Variants in NFAM1 observed in about 807,000 individuals in gnomAD.
The protein encoded by NFAM1 is NFAT activation molecule 1.
In NFAM1, 17 loss-of-function variants were observed where a neutral mutation model predicts 29.0. The ratio of observed to expected loss-of-function variants is 0.59; its 90% CI spans 0.40 to 0.88. NFAM1 has a LOEUF of 0.88. NFAM1 is among the 40% of genes least tolerant of loss of function. The probability of loss-of-function intolerance (pLI) is 0.00; values close to 1 mark genes in which losing one functional copy is unlikely to be tolerated. For synonymous variants in NFAM1, 175 were observed against 147.2 expected, an observed-to-expected ratio of 1.19 and a Z score of -1.36; for missense variants, 324 against 344.6, an observed-to-expected ratio of 0.94 and a Z score of 0.47.
At chr22:42,398,825 T>C (rs895818845) in intron 3 of NFAM1, among the ~76,000 whole-genome samples, 1 of 152,270 alleles carries the variant, frequency 6.6e-6, no homozygotes, top group African/African-American at 2.4e-5. Context: ...TAGAAGGCCC[T>C]TGCTCAACCA....
chr22:42,393,965 G>A (rs1601737271), intron 4 of NFAM1, among the ~76,000 whole-genome samples: 2 of 152,094 alleles, frequency 1.3e-5, no homozygotes, highest in African/African-American at 4.8e-5. Flanking sequence ...GGTTGAATGA[G>A]TATTCCATAT....
At chr22:42,408,711 G>A (rs775145663) in intron 3 of NFAM1, among the ~76,000 whole-genome samples, 16 of 152,342 alleles carry the variant, frequency 1.1e-4, no homozygotes, top group South Asian at 6.2e-4. Flanking sequence ...CATCGAACAG[G>A]AATCCATAGG....
At chr22:42,403,668 C>A (rs1447663614) in intron 3 of NFAM1, among the ~76,000 whole-genome samples, 1 of 152,232 alleles carries the variant, frequency 6.6e-6, no homozygotes, top group Non-Finnish European at 1.5e-5. Flanking sequence ...AAATGGTAAG[C>A]CCTTCAGCAA....
chr22:42,437,811 G>C, the NFAM1 span, among the ~76,000 whole-genome samples: 4 of 152,228 alleles, frequency 2.6e-5, no homozygotes, highest in East Asian at 1.9e-4. Context: ...GGGGTTCCGG[G>C]GGGGTCCGGT....
intron 4 of NFAM1, among the ~76,000 whole-genome samples, chr22:42,389,020 C>T (rs1929242379): frequency 6.6e-6 from 1 of 152,162 alleles, no homozygotes; most frequent in South Asian, 2.1e-4. Context: ...TGCCCCCAAC[C>T]CTCCACCCAC....
chr22:42,432,161 CT>C (rs1930824248), intron 1 of NFAM1, 75 bp downstream of exon 1: 1 of 1,322,984 alleles, frequency 7.6e-7, no homozygotes, highest in African/African-American at 1.5e-5. Context: ...TGGGAATTAG[CT>C]GCGCCGGGCG....
At chr22:42,420,351 A>G (rs1930406787) in intron 1 of NFAM1, among the ~76,000 whole-genome samples, 1 of 152,150 alleles carries the variant, frequency 6.6e-6, no homozygotes. Context: ...GCATGCCTGT[A>G]GTCCTAGCTA....
chr22:42,382,714 T>G lies in NFAM1; in HGVS notation c.*2447A>C, dbSNP rs1928997329. The G allele has an allele frequency of 1.3e-5, 2 of 152,636 alleles. No individual in the cohort carries two copies. The highest frequency in any genetic ancestry group is 6.5e-5 in the Admixed American group (1 of 15,278). 9.5% of individuals were successfully genotyped at this position (152,636 alleles called of 1,614,324 possible). Reference sequence around the variant, plus strand: ...AGAACAGGTGCTCAGTCCTCTTTGCTGCCCACAGAAGTCTCAGAACATTCT... The same window carrying G: ...AGAACAGGTGCTCAGTCCTCTTTGCGGCCCACAGAAGTCTCAGAACATTCT... On this transcript the variant is annotated 3_prime_UTR_variant, in exon 6 of 6. Transcript: ENST00000329021.
rs138369373 is a variant in NFAM1, at chr22:42,411,019, C to CTTT, written c.451+385_451+387dup. Reference sequence around the variant, plus strand: ...AACCATTCTCTATTTCTTTTCTTTTCTTTTTTTTTTTTTTTTTTTTTTGAG... The same window carrying CTTT: ...AACCATTCTCTATTTCTTTTCTTTTCTTTTTTTTTTTTTTTTTTTTTTTTTGAG... On this transcript the variant is annotated intron_variant, in intron 2 of 5. Transcript: ENST00000329021. Among the ~76,000 whole-genome samples, 176 of 121,722 alleles carry CTTT rather than the reference C, an allele frequency of 1.4e-3. 1 individual carries two copies. Among genetic ancestry groups the CTTT allele is most frequent in the African/African-American group, 5.3e-3 (159 of 30,080 alleles). 79.9% of individuals were successfully genotyped at this position (121,722 alleles called of 152,430 possible). A position where few individuals can be genotyped will look rare whatever the true frequency, so the allele number is the denominator to read the frequency against.
chr22:42,416,728 CTGAG>C (rs1232801330), intron 1 of NFAM1, among the ~76,000 whole-genome samples: 2 of 152,212 alleles, frequency 1.3e-5, no homozygotes, highest in African/African-American at 2.4e-5. Context: ...GCAGTATTCC[CTGAG>C]TGAGGGCACT....
At chr22:42,394,867 C>T (rs4822125) in intron 4 of NFAM1, among the ~76,000 whole-genome samples, 32,300 of 152,018 alleles carry the variant, frequency 0.21, 4,075 homozygotes, top group East Asian at 0.32. Flanking sequence ...CCTGTAATCC[C>T]AGCACTTTGA....
rs1192420329 is a variant in NFAM1, at chr22:42,397,929, G to A, written c.592C>T (p.Pro198Ser). 1.2e-6 allele frequency: 2 copies of A among 1,609,394 alleles called. No homozygotes were observed. ...CTTGGATCTGGGCACTTCCTGGTGGGGTCCTTCCCTGGACCCCGCATCCGC... is the reference window on the plus strand; with the variant it reads ...CTTGGATCTGGGCACTTCCTGGTGGAGTCCTTCCCTGGACCCCGCATCCGC... ...KKRMRGPGKD[P>S]TRKCPDPRSA... Residue 198 changes from proline to serine, a missense_variant, in exon 4 of 6, where the codon CCC (proline) becomes TCC (serine). Physicochemically the swap from Pro to Ser is moderately conservative, Grantham distance 74. Coordinates refer to ENST00000329021, the MANE Select transcript of NFAM1 (RefSeq NM_145912.8).
At chr22:42,421,612 C>T (rs938808927) in intron 1 of NFAM1, among the ~76,000 whole-genome samples, 3 of 152,128 alleles carry the variant, frequency 2.0e-5, no homozygotes, top group African/African-American at 4.8e-5. Flanking sequence ...GCTTTGGTCC[C>T]GGCTCCCCAC....
rs891515147 is a variant in NFAM1, at chr22:42,426,726, G to C, written c.121+5511C>G. Among the ~76,000 whole-genome samples, 70 of 152,286 alleles carry C rather than the reference G, an allele frequency of 4.6e-4. 1 individual carries two copies. Among genetic ancestry groups the C allele is most frequent in the African/African-American group, 1.7e-3 (69 of 41,556 alleles). On this transcript the variant is annotated intron_variant, in intron 1 of 5. Coordinates refer to ENST00000329021, the MANE Select transcript of NFAM1 (RefSeq NM_145912.8). ...TGGCCTGCAAGGACCTGAGTCTCAG[G>C]GTGCAGAGGAATAGGTGGGGCCAGT...
chr22:42,432,624 G>A (rs531170048), upstream of NFAM1, among the ~76,000 whole-genome samples: 2 of 152,270 alleles, frequency 1.3e-5, no homozygotes, highest in South Asian at 2.1e-4. Flanking sequence ...ACCCTGTCTC[G>A]GCCCCTTTCC....
At chr22:42,413,629 G>GA (rs1399097263) in intron 1 of NFAM1, among the ~76,000 whole-genome samples, 3 of 150,710 alleles carry the variant, frequency 2.0e-5, no homozygotes, top group East Asian at 3.9e-4. Flanking sequence ...TACAAAAAAA[G>GA]AAAAAAAAAT....
chr22:42,434,300 G>A (rs1229453301), upstream of NFAM1, among the ~76,000 whole-genome samples: 1 of 152,164 alleles, frequency 6.6e-6, no homozygotes, highest in Non-Finnish European at 1.5e-5. Context: ...CTCCAGGCTT[G>A]ATATGAAGGC....
intron 2 of NFAM1, chr22:42,410,390 T>C: frequency 2.7e-6 from 1 of 367,166 alleles, no homozygotes; most frequent in Non-Finnish European, 5.5e-6. Context: ...CTGGGTGTGC[T>C]GGCTCATGCC....
At chr22:42,390,107 A>C (rs1254241987) in intron 4 of NFAM1, among the ~76,000 whole-genome samples, 1 of 151,346 alleles carries the variant, frequency 6.6e-6, no homozygotes, top group Non-Finnish European at 1.5e-5. Context: ...GGCTGAGAGT[A>C]AGATCGAGGA....
Sources: allele counts gnomAD v4.1 joint callset (sites outside exome capture counted in the v4.1 genomes callset), GRCh38; gene constraint gnomAD v4.1.1; transcripts MANE v1.5; gene names NCBI Gene and HGNC (gene_info 2026-07-23, HGNC 2026-07-21).